OXR1: variants seen among roughly 807,000 people sequenced by gnomAD.
OXR1 encodes the protein oxidation resistance protein 1.
A neutral mutation model predicts 104.6 loss-of-function variants in OXR1; 41 were observed. That is an observed-to-expected ratio of 0.39 (90% CI 0.31 to 0.51). The LOEUF (loss-of-function observed/expected upper bound fraction) is 0.51, where lower values mean the gene tolerates loss of function less well. OXR1 is among the 20% of genes least tolerant of loss of function. OXR1 has a pLI of 0.77. For synonymous variants in OXR1, 348 were observed against 348.4 expected (o/e 1.00, Z 0.01); for missense variants, 955 against 1,031.9 (o/e 0.93, Z 1.02).
intron 2 of OXR1, among the ~76,000 whole-genome samples, chr8:106,487,436 A>G (rs760594230): frequency 2.0e-4 from 23 of 113,404 alleles, no homozygotes; most frequent in Non-Finnish European, 3.3e-4. Flanking sequence ...TGTTTTTTTT[A>G]TTATACTTTA....
chr8:106,473,937 C>G (rs1378919040), intron 2 of OXR1, among the ~76,000 whole-genome samples: 2 of 145,164 alleles, frequency 1.4e-5, no homozygotes, highest in African/African-American at 5.0e-5. Context: ...CAAAAGTTTA[C>G]TTAGTTGTAC....
chr8:106,272,087 T>C (rs1334984744), intron 1 of OXR1: 1 of 152,164 alleles, frequency 6.6e-6, no homozygotes, highest in African/African-American at 2.4e-5. Context: ...GTTCTCCACA[T>C]GTAAATATAG....
intron 2 of OXR1, among the ~76,000 whole-genome samples, chr8:106,465,181 G>C (rs1005036356): frequency 2.0e-5 from 3 of 151,928 alleles, no homozygotes; most frequent in African/African-American, 7.2e-5. Context: ...ATACTGGAAG[G>C]AAGTGAGGGA....
At chr8:106,459,768 C>A (rs2130644115) in intron 2 of OXR1, among the ~76,000 whole-genome samples, 1 of 152,268 alleles carries the variant, frequency 6.6e-6, no homozygotes, top group African/African-American at 2.4e-5. Context: ...TTATAAATTT[C>A]TTGTGTTTCC....
At chr8:106,386,281 T>C (rs1420916700) in intron 2 of OXR1, among the ~76,000 whole-genome samples, 1 of 152,204 alleles carries the variant, frequency 6.6e-6, no homozygotes, top group Non-Finnish European at 1.5e-5. Context: ...TTGGTGCCCA[T>C]CCAGTGCTGG....
intron 2 of OXR1, among the ~76,000 whole-genome samples, chr8:106,459,183 G>A (rs1820772079): frequency 6.6e-6 from 1 of 152,092 alleles, no homozygotes; most frequent in Non-Finnish European, 1.5e-5. Context: ...AACAGTGTTG[G>A]GAGATAGGGC....
At chr8:106,414,833 A>G (rs974985942) in intron 2 of OXR1, among the ~76,000 whole-genome samples, 9 of 152,274 alleles carry the variant, frequency 5.9e-5, no homozygotes, top group Admixed American at 3.9e-4. Flanking sequence ...GATAAGGAGT[A>G]TGGACTTAAT....
intron 2 of OXR1, among the ~76,000 whole-genome samples, chr8:106,475,555 G>GT (rs1280143578): frequency 6.6e-6 from 1 of 151,978 alleles, no homozygotes; most frequent in East Asian, 2.0e-4. Flanking sequence ...TCTGTCTGAT[G>GT]TTTTTTACTT....
chr8:106,331,548 G>A (rs907216527), intron 1 of OXR1, among the ~76,000 whole-genome samples: 1 of 152,018 alleles, frequency 6.6e-6, no homozygotes, highest in African/African-American at 2.4e-5. Flanking sequence ...GAAATTATTT[G>A]TATTGAACTA....
intron 3 of OXR1, among the ~76,000 whole-genome samples, chr8:106,566,415 A>G (rs1435172880): frequency 6.6e-6 from 1 of 152,220 alleles, no homozygotes; most frequent in East Asian, 1.9e-4. Flanking sequence ...CAAAACCACA[A>G]TGAGATACCA....
At position 106,739,546 on chromosome 8, in the gene OXR1, A is replaced by T. The variant is rs1834732502; in HGVS notation, c.2126A>T (p.Asp709Val). The T allele has an allele frequency of 6.2e-7, 1 of 1,613,434 alleles. No individual in the cohort carries two copies. ...GAATCTTTTCGACCAAACCTAAGTG[A>T]TCCCAGTGAACTTTTACTGCCAGAT... ...ESESFRPNLS[D>V]PSELLLPDQI... Residue 709 changes from aspartate to valine, a missense_variant, in exon 13 of 17, where the codon GAT becomes GTT. Asp to Val is a radical substitution (Grantham distance 152). Transcript: ENST00000517566.
rs749532214 is a variant in OXR1, at chr8:106,707,161, T to C, written c.1624+16T>C. 1.9e-6 allele frequency: 3 copies of C among 1,609,388 alleles called. No individual in the cohort carries two copies. In the South Asian group the frequency reaches 3.3e-5, roughly 18 times the overall value. Reference sequence around the variant, plus strand: ...CACATAGAAAGTAAGTGTTATAGAGTAAATGAAGTTAGTTCATCCAATTGT... The same window carrying C: ...CACATAGAAAGTAAGTGTTATAGAGCAAATGAAGTTAGTTCATCCAATTGT... On this transcript the variant is annotated intron_variant, in intron 9 of 16. Coordinates refer to ENST00000517566, the MANE Select transcript of OXR1 (RefSeq NM_001198533.2).
chr8:106,634,744 AG>A (rs1268006551), intron 3 of OXR1, among the ~76,000 whole-genome samples: 3 of 152,146 alleles, frequency 2.0e-5, no homozygotes, highest in Admixed American at 1.3e-4. Context: ...AGGGTAATAA[AG>A]GAGGAATATG....
chr8:106,544,071 A>G (rs1000049684), intron 3 of OXR1, among the ~76,000 whole-genome samples: 3 of 152,204 alleles, frequency 2.0e-5, no homozygotes, highest in African/African-American at 4.8e-5. Context: ...GTCAGCTCCT[A>G]TAAGTCTTAT....
At chr8:106,446,700 G>A (rs1213950175) in intron 2 of OXR1, among the ~76,000 whole-genome samples, 1 of 151,998 alleles carries the variant, frequency 6.6e-6, no homozygotes, top group East Asian at 1.9e-4. Flanking sequence ...GAAGGTTGAG[G>A]TGGGAGGATT....
intron 1 of OXR1, among the ~76,000 whole-genome samples, chr8:106,288,558 T>A (rs1190020798): frequency 3.4e-5 from 5 of 148,948 alleles, no homozygotes; most frequent in Non-Finnish European, 7.4e-5. Context: ...ATATATAGTG[T>A]GTATATATAT....
chr8:106,731,869 T>C (rs1212197918), intron 11 of OXR1, among the ~76,000 whole-genome samples: 1 of 152,182 alleles, frequency 6.6e-6, no homozygotes, highest in African/African-American at 2.4e-5. Flanking sequence ...CTATCTTGGC[T>C]ATTCTGTGTC....
In OXR1 at chr8:106,706,417, A is replaced by G; in HGVS notation, c.896A>G (p.His299Arg). 2.5e-6 allele frequency: 4 copies of G among 1,585,368 alleles called. No individual in the cohort carries two copies. In the South Asian group the frequency reaches 4.7e-5, roughly 19 times the overall value. Residue 299 changes from histidine (H) to arginine (R), a missense_variant, in exon 9 of 17, where the codon CAT becomes CGT. Coordinates refer to ENST00000517566, the MANE Select transcript of OXR1 (RefSeq NM_001198533.2). ...CAGCTATCAGGAAGGGACTTCTGCC[A>G]TTCAAAGAAAATGACAGGAAGTAAC... ...IDQLSGRDFC[H>R]SKKMTGSNTE...
At chr8:106,666,141 C>T (rs1826300237) in intron 3 of OXR1, among the ~76,000 whole-genome samples, 1 of 152,144 alleles carries the variant, frequency 6.6e-6, no homozygotes, top group African/African-American at 2.4e-5. Flanking sequence ...AAGGGGAAAA[C>T]AATTAATCCA....
Sources: gnomAD v4.1 joint callset for allele counts (sites outside exome capture counted in the v4.1 genomes callset) on GRCh38, gnomAD v4.1.1 for gene constraint, MANE v1.5 for transcripts, NCBI Gene and HGNC (gene_info 2026-07-23, HGNC 2026-07-21) for gene names.